Variants in CATSPERE observed in about 807,000 individuals in gnomAD.
CATSPERE encodes cation channel sperm-associated auxiliary subunit epsilon.
In CATSPERE, 93 loss-of-function variants were observed where a neutral mutation model predicts 114.1. The ratio of observed to expected loss-of-function variants is 0.81; its 90% confidence interval spans 0.69 to 0.97. The LOEUF is 0.97. Among genes scored for constraint, CATSPERE ranks in the 50% least tolerant of loss-of-function variants. The pLI, the probability that CATSPERE is intolerant of heterozygous loss-of-function variation, is 0.00. For missense variants in CATSPERE, 1,058 were observed against 1,131.6 expected (o/e 0.93, Z 0.93); for synonymous variants, 341 against 384.1 (o/e 0.89, Z 1.31).
intron 10 of CATSPERE, among the ~76,000 whole-genome samples, chr1:244,567,990 G>A (rs144331308): frequency 0.092 from 13,954 of 152,072 alleles, 1,168 homozygotes; most frequent in East Asian, 0.41. Context: ...TCTACCTTTG[G>A]TCTTTGATGT....
At chr1:244,586,110 C>T (rs1666988013) in intron 13 of CATSPERE, among the ~76,000 whole-genome samples, 1 of 152,154 alleles carries the variant, frequency 6.6e-6, no homozygotes, top group African/African-American at 2.4e-5. Flanking sequence ...TCATTTAGGC[C>T]ATATGTCAGA....
At chr1:244,481,263 C>T (rs768429872) in intron 5 of CATSPERE, among the ~76,000 whole-genome samples, 1 of 152,052 alleles carries the variant, frequency 6.6e-6, no homozygotes, top group East Asian at 1.9e-4. Flanking sequence ...GCCTGGCCAA[C>T]ATGGTGAAAT....
chr1:244,579,187 T>G lies in CATSPERE; in HGVS notation c.1951-2609T>G, dbSNP rs1665794619. 2.0e-5 allele frequency among the ~76,000 whole-genome samples: 3 copies of G among 152,290 alleles called. No homozygotes were observed. In the South Asian group the frequency reaches 6.2e-4, roughly 32 times the overall value. ...AAGCAGATACTCACAACACTTGAGC[T>G]CACAGCAATAGCAATCGGAGGTGGC... On this transcript the variant is annotated intron_variant, in intron 11 of 21. Transcript: ENST00000366534.
At chr1:244,577,419 G>C (rs148042575) in intron 11 of CATSPERE, among the ~76,000 whole-genome samples, 241 of 152,326 alleles carry the variant, frequency 1.6e-3, no homozygotes, top group African/African-American at 5.6e-3. Context: ...ATAAGAAACT[G>C]TTTGAAATCT....
intron 14 of CATSPERE, among the ~76,000 whole-genome samples, chr1:244,590,639 A>T (rs775157129): frequency 1.3e-5 from 2 of 152,158 alleles, no homozygotes; most frequent in Non-Finnish European, 2.9e-5. Context: ...CTGTCTCAAA[A>T]CCATAATCTC....
intron 8 of CATSPERE, among the ~76,000 whole-genome samples, chr1:244,549,685 T>C (rs1433622941): frequency 1.3e-5 from 2 of 152,134 alleles, no homozygotes; most frequent in Non-Finnish European, 2.9e-5. Flanking sequence ...ATTATGACCT[T>C]GTTATTGTCT....
chr1:244,526,949 G>A (rs554435008), intron 8 of CATSPERE, among the ~76,000 whole-genome samples: 2 of 152,242 alleles, frequency 1.3e-5, no homozygotes, highest in South Asian at 4.1e-4. Context: ...TTTCAAAAGG[G>A]GAGGGAGTGT....
At chr1:244,606,179 G>A (rs1169780410) in intron 18 of CATSPERE, among the ~76,000 whole-genome samples, 2 of 152,120 alleles carry the variant, frequency 1.3e-5, no homozygotes, top group Non-Finnish European at 2.9e-5. Context: ...TGCATCATTT[G>A]ACCCTGCTGA....
intron 9 of CATSPERE, among the ~76,000 whole-genome samples, chr1:244,554,314 T>G (rs1289697254): frequency 1.3e-5 from 2 of 152,206 alleles, no homozygotes. Context: ...TATATGAGCT[T>G]CCTTTTCTCT....
At chr1:244,498,791 G>A (rs561405460) in intron 6 of CATSPERE, among the ~76,000 whole-genome samples, 7 of 152,178 alleles carry the variant, frequency 4.6e-5, no homozygotes, top group Admixed American at 2.6e-4. Flanking sequence ...CCAGCTACTC[G>A]GGAGGCTGAG....
chr1:244,558,745 C>T (rs1662083748), intron 9 of CATSPERE, among the ~76,000 whole-genome samples: 1 of 152,154 alleles, frequency 6.6e-6, no homozygotes, highest in South Asian at 2.1e-4. Flanking sequence ...CCCTTCTCCT[C>T]CTGCCCACTC....
intron 20 of CATSPERE, among the ~76,000 whole-genome samples, chr1:244,622,753 G>A (rs1490839700): frequency 2.0e-5 from 3 of 152,034 alleles, no homozygotes; most frequent in Non-Finnish European, 2.9e-5. Flanking sequence ...CTGGCTGTGG[G>A]AGAAACACCT....
rs749235136 is a variant in CATSPERE at position 244,552,347 on chromosome 1, A to G, written c.562A>G (p.Thr188Ala). 11 of 1,612,178 alleles carry G rather than the reference A, an allele frequency of 6.8e-6. No homozygotes were observed. Among genetic ancestry groups the G allele is most frequent in the African/African-American group, 1.3e-5 (1 of 74,802 alleles). Residue 188 changes from threonine (T) to alanine (A), a missense_variant, in exon 9 of 22, where the codon ACA (threonine) becomes GCA (alanine). By Grantham distance (58) the Thr-to-Ala change is moderately conservative. Transcript: ENST00000366534. ...RGTWRIVVPM[T>A]KDDALKEIRG... ...GACCTGGCGTATTGTAGTACCAATGACAAAAGATGATGCACTAAAGGAGAT... is the reference window on the plus strand; with the variant it reads ...GACCTGGCGTATTGTAGTACCAATGGCAAAAGATGATGCACTAAAGGAGAT...
Position 244,504,996 on chromosome 1 carries a change from T to G in CATSPERE, c.429+5917T>G, listed in dbSNP as rs1674598364. Among the ~76,000 whole-genome samples the G allele has an allele frequency of 1.3e-5, 2 of 152,250 alleles. No individual in the cohort carries two copies. Among genetic ancestry groups the G allele is most frequent in the South Asian group, 4.1e-4 (2 of 4,836 alleles). On this transcript the variant is annotated intron_variant, in intron 7 of 21. Coordinates refer to ENST00000366534, the MANE Select transcript of CATSPERE (RefSeq NM_001130957.2). This position sits in a 1 kb window ranked among gnomAD's most constrained non-coding sequence, Gnocchi z 4.1. The stretch of plus-strand genomic sequence containing the variant: ...TCTTATCCCTGATTTATTTATTTAC[T>G]TATTCAATCATTTATTTATATCACT...
At chr1:244,621,195 T>C (rs183226388) in intron 20 of CATSPERE, among the ~76,000 whole-genome samples, 593 of 11,986 alleles carry the variant, frequency 0.049, 63 homozygotes, top group African/African-American at 0.12. Context: ...ATAGATATAT[T>C]TATATAGATA....
chr1:244,610,753 C>A (rs939812472), intron 19 of CATSPERE, among the ~76,000 whole-genome samples: 2 of 134,514 alleles, frequency 1.5e-5, no homozygotes, highest in African/African-American at 6.5e-5. Flanking sequence ...TATTTTCTTT[C>A]CTTTTTTTTT....
rs1669972727 is a variant in CATSPERE, at chr1:244,479,799, A to G, written c.326+15A>G. On this transcript the variant is annotated intron_variant, in intron 5 of 21. Transcript: ENST00000366534. ...TATAGAGTTAGGTAAGTAATGCAGT[A>G]CTGAATAGGTAATTATGCTTTTAAA... The G allele has an allele frequency of 7.1e-7, 1 of 1,407,096 alleles. No individual in the cohort carries two copies. The highest frequency in any genetic ancestry group is 9.8e-7 in the Non-Finnish European group (1 of 1,019,104). 87.2% of individuals were successfully genotyped at this position (1,407,096 alleles called of 1,614,324 possible).
rs769760410 is a variant in CATSPERE at position 244,610,358 on chromosome 1, T to G, written c.2490+32T>G. The G allele has an allele frequency of 2.0e-6, 3 of 1,498,640 alleles. No homozygotes were observed. In the Admixed American group the frequency reaches 5.1e-5, roughly 25 times the overall value. The allele number at this position is 1,498,640 out of a possible 1,614,324, so 92.8% of individuals were successfully genotyped here. A position where few individuals can be genotyped will look rare whatever the true frequency, so the allele number is the denominator to read the frequency against. The stretch of plus-strand genomic sequence containing the variant: ...GAAACATTACCTTCCAGATTGTTTA[T>G]TTGGAATAACTAATCTGGCATTTTG... On this transcript the variant is annotated intron_variant, in intron 19 of 21. Coordinates refer to ENST00000366534, the MANE Select transcript of CATSPERE (RefSeq NM_001130957.2).
intron 6 of CATSPERE, among the ~76,000 whole-genome samples, chr1:244,493,471 ATG>A (rs1260695964): frequency 6.6e-6 from 1 of 152,192 alleles, no homozygotes; most frequent in East Asian, 1.9e-4. Flanking sequence ...AAAGACTTAC[ATG>A]TTAGACCTAA....
Sources: gnomAD v4.1 joint callset for allele counts (sites outside exome capture counted in the v4.1 genomes callset) on GRCh38, gnomAD v4.1.1 for gene constraint, Gnocchi (gnomAD v3.1) non-coding constraint, MANE v1.5 for transcripts, NCBI Gene and HGNC (gene_info 2026-07-23, HGNC 2026-07-21) for gene names.